SECTM1: variants seen among roughly 807,000 people sequenced by gnomAD.
SECTM1 encodes the protein secreted and transmembrane protein 1.
Under a neutral mutation model 18.1 loss-of-function variants are expected in SECTM1, and 10 were observed. That is an observed-to-expected ratio of 0.55 (90% CI 0.34 to 0.94). The LOEUF (loss-of-function observed/expected upper bound fraction) is 0.94, where lower values mean the gene tolerates loss of function less well. Ranked by LOEUF, SECTM1 falls within the 40% of genes least tolerant of loss-of-function variation. The probability of loss-of-function intolerance (pLI) is 0.02; values close to 1 mark genes in which losing one functional copy is unlikely to be tolerated. For missense variants in SECTM1, 297 were observed against 322.6 expected (o/e 0.92, Z 0.61); for synonymous variants, 137 against 139.2 (o/e 0.98, Z 0.11).
intron 3 of SECTM1, among the ~76,000 whole-genome samples, chr17:82,324,350 G>A (rs1195259484): frequency 1.3e-5 from 2 of 151,852 alleles, no homozygotes; most frequent in Non-Finnish European, 2.9e-5. Context: ...TGTGCCCCCT[G>A]AGCCTCCTGC....
rs1381607063 is a variant in SECTM1, at chr17:82,328,218, C to A, written c.-52-926G>T. On this transcript the variant is annotated intron_variant, in intron 1 of 4. Coordinates refer to ENST00000269389, the MANE Select transcript of SECTM1 (RefSeq NM_003004.3). The surrounding 1 kb of genome is among the most constrained non-coding windows in gnomAD (Gnocchi z 5.8). ...CCATCTTGTCTCAGGCCTGCAAACACTAGGGGCCCCCTAGCTGTGTGGCTC... is the reference window on the plus strand; with the variant it reads ...CCATCTTGTCTCAGGCCTGCAAACAATAGGGGCCCCCTAGCTGTGTGGCTC... 6.6e-6 allele frequency: 1 copy of A among 152,198 alleles called. No homozygotes were observed. The highest frequency in any genetic ancestry group is 1.5e-5 in the Non-Finnish European group (1 of 68,044). The allele number at this position is 152,198 out of a possible 1,614,324, so 9.4% of individuals were successfully genotyped here.
chr17:82,332,356 C>T lies in SECTM1; in HGVS notation c.-53+1344G>A, dbSNP rs576875390. 3.1e-3 allele frequency among the ~76,000 whole-genome samples: 472 copies of T among 152,316 alleles called. 2 individuals carry two copies. The highest frequency in any genetic ancestry group is 0.011 in the African/African-American group (456 of 41,562). On this transcript the variant is annotated intron_variant, in intron 1 of 4. Transcript: ENST00000269389. ...GTTCACGCACCGCCCAGCACGCCTG[C>T]GCATGCCTGTTCCCGCTCCCTGGTG...
rs1001589682 is a variant in SECTM1, at chr17:82,326,263, G to C, written c.94+884C>G. Among the ~76,000 whole-genome samples the C allele has an allele frequency of 6.6e-6, 1 of 152,200 alleles. No individual in the cohort carries two copies. Among genetic ancestry groups the C allele is most frequent in the Non-Finnish European group, 1.5e-5 (1 of 68,026 alleles). ...TCGTTCTTAGGATTCTGACTGAACT[G>C]CTTTGGGATGTGGTTTGGGATGTGG... On this transcript the variant is annotated intron_variant, in intron 2 of 4. Transcript: ENST00000269389. The surrounding 1 kb of genome is among the most constrained non-coding windows in gnomAD (Gnocchi z 4.3).
rs1421114095 is a variant in SECTM1 at position 82,329,722 on chromosome 17, G to A, written c.-52-2430C>T. Among the ~76,000 whole-genome samples, 1 of 151,984 alleles carries A rather than the reference G, an allele frequency of 6.6e-6. No homozygotes were observed. Among genetic ancestry groups the A allele is most frequent in the African/African-American group, 2.4e-5 (1 of 41,370 alleles). On this transcript the variant is annotated intron_variant, in intron 1 of 4. Coordinates refer to ENST00000269389, the MANE Select transcript of SECTM1 (RefSeq NM_003004.3). The surrounding 1 kb of genome is among the most constrained non-coding windows in gnomAD (Gnocchi z 7.6). The stretch of plus-strand genomic sequence containing the variant: ...AGGGTGGTCCCTTCTGGAGGCTCCA[G>A]GCGGAATCTGTCCCTCTCCGTCTCC...
chr17:82,330,299 C>A lies in SECTM1; in HGVS notation c.-52-3007G>T, dbSNP rs2052181603. On this transcript the variant is annotated intron_variant, in intron 1 of 4. Transcript: ENST00000269389. This position sits in a 1 kb window ranked among gnomAD's most constrained non-coding sequence, Gnocchi z 6.1. The stretch of plus-strand genomic sequence containing the variant: ...GCTGCTCTGGGGAGTCCTGCCCTCA[C>A]CTGGAGCCTGGAGGCCATCTGAGTC... Among the ~76,000 whole-genome samples, 1 of 152,180 alleles carries A rather than the reference C, an allele frequency of 6.6e-6. No individual in the cohort carries two copies. The highest frequency in any genetic ancestry group is 1.5e-5 in the Non-Finnish European group (1 of 68,006).
At chr17:82,327,503 G>A (rs1195444384) in intron 1 of SECTM1, among the ~76,000 whole-genome samples, 1 of 152,226 alleles carries the variant, frequency 6.6e-6, no homozygotes, top group Non-Finnish European at 1.5e-5. Context: ...AGACACGCGG[G>A]GGCGGGAGAC....
intron 1 of SECTM1, among the ~76,000 whole-genome samples, chr17:82,327,922 GCGGCCCCCCCAGCCCGTCCAC>G (rs2052160230): frequency 2.1e-5 from 3 of 146,056 alleles, no homozygotes; most frequent in African/African-American, 5.1e-5. Context: ...CCTGCAGCCA[GCGGCCCCCCCAGCCCGTCCAC>G]CAGCCCCCCC....
chr17:82,322,020 C>T lies in SECTM1; in HGVS notation c.*141G>A. On this transcript the variant is annotated 3_prime_UTR_variant, in exon 5 of 5. Coordinates refer to ENST00000269389, the MANE Select transcript of SECTM1 (RefSeq NM_003004.3). ...TGGAGGGGAAGGGTCTGCACGCACC[C>T]AGGAGTGGGTGACACAGAGGCCCAG... 1.4e-6 allele frequency: 1 copy of T among 726,138 alleles called. No homozygotes were observed. The highest frequency in any genetic ancestry group is 2.3e-6 in the Non-Finnish European group (1 of 432,864). The allele number at this position is 726,138 out of a possible 1,614,324, so 45.0% of individuals were successfully genotyped here. A position where few individuals can be genotyped will look rare whatever the true frequency, so the allele number is the denominator to read the frequency against.
rs1567842761 is a variant in SECTM1, at chr17:82,322,869, GC to G, written c.537+8del. 5 of 1,613,334 alleles carry G rather than the reference GC, an allele frequency of 3.1e-6. No homozygotes were observed. The highest frequency in any genetic ancestry group is 4.2e-6 in the Non-Finnish European group (5 of 1,179,836). Reference sequence around the variant, plus strand: ...CACCCCGCACAAACTGGGGTGCAGGGCCTCCTACCTCCCGGCGTTGCTGGGA... The same window carrying G: ...CACCCCGCACAAACTGGGGTGCAGGGCTCCTACCTCCCGGCGTTGCTGGGA... On this transcript the variant is annotated splice_region_variant and intron_variant, in intron 4 of 4. Transcript: ENST00000269389.
intron 4 of SECTM1, 122 bp downstream of exon 4, chr17:82,322,756 G>C: frequency 8.0e-7 from 1 of 1,243,072 alleles, no homozygotes; most frequent in South Asian, 1.5e-5. Flanking sequence ...CTCTGGGACC[G>C]GTGCTCCCCC....
chr17:82,324,471 TTCTTCC>T, intron 3 of SECTM1, 105 bp downstream of exon 3: 1 of 1,167,448 alleles, frequency 8.6e-7, no homozygotes, highest in African/African-American at 2.3e-5. Context: ...ATGCCTGCTC[TTCTTCC>T]TCCTCCTTCC....
At chr17:82,332,919 C>T (rs1021517497) in intron 1 of SECTM1, among the ~76,000 whole-genome samples, 1 of 152,138 alleles carries the variant, frequency 6.6e-6, no homozygotes, top group Non-Finnish European at 1.5e-5. Context: ...TCCTAGAAGC[C>T]GGGGATCCTC....
intron 3 of SECTM1, 47 bp downstream of exon 3, chr17:82,324,535 G>GT: frequency 6.8e-6 from 5 of 730,046 alleles, no homozygotes; most frequent in South Asian, 4.0e-5. Context: ...CCCTCCCCGT[G>GT]TCCCCTCTCA....
Position 82,322,145 on chromosome 17 carries a change from T to C in SECTM1, c.*16A>G. 1 of 1,613,314 alleles carries C rather than the reference T, an allele frequency of 6.2e-7. No individual in the cohort carries two copies. Among genetic ancestry groups the C allele is most frequent in the Non-Finnish European group, 8.5e-7 (1 of 1,179,522 alleles). On this transcript the variant is annotated 3_prime_UTR_variant, in exon 5 of 5. Transcript: ENST00000269389. The stretch of plus-strand genomic sequence containing the variant: ...TCAGGGCTGGCTCTCCTGTGTCCTC[T>C]CTGCCTTGCAGGCGGCTATGGGTCT...
At position 82,324,796 on chromosome 17, in the gene SECTM1, A is replaced by G. The variant is rs142396714; in HGVS notation, c.189T>C (p.His63=). 949 of 1,614,070 alleles carry G rather than the reference A, an allele frequency of 5.9e-4. 5 individuals are homozygous for G. In the African/African-American group the frequency reaches 0.011, roughly 19 times the overall value. Residue 63 remains histidine (H), a synonymous_variant, in exon 3 of 5, where the codon CAT becomes CAC. Transcript: ENST00000269389. ...CGTGGGCACGCAGCTTGATGTTGAC[A>G]TGGGAGAAGGCGTTGGAGATGTTGC... ...MSCNISNAFS[H]VNIKLRAHGQ...
chr17:82,324,859 T>C lies in SECTM1; in HGVS notation c.126A>G (p.Val42=), dbSNP rs1200996428. The C allele has an allele frequency of 6.2e-7, 1 of 1,613,638 alleles. No homozygotes were observed. Among genetic ancestry groups the C allele is most frequent in the Non-Finnish European group, 8.5e-7 (1 of 1,179,874 alleles). ...GWDSPICTEG[V]VSVSWGENTV... ...TGTTCTCGCCCCAAGACACAGAGAC[T>C]ACCCCCTCTGTGCAGATGGGGCTGT... Residue 42 remains valine, a synonymous_variant, in exon 3 of 5, where the codon GTA becomes GTG. Coordinates refer to ENST00000269389, the MANE Select transcript of SECTM1 (RefSeq NM_003004.3).
chr17:82,326,186 C>A lies in SECTM1; in HGVS notation c.94+961G>T, dbSNP rs2052144211. Among the ~76,000 whole-genome samples, 2 of 152,248 alleles carry A rather than the reference C, an allele frequency of 1.3e-5. No individual in the cohort carries two copies. Among genetic ancestry groups the A allele is most frequent in the Non-Finnish European group, 2.9e-5 (2 of 68,032 alleles). ...GGGTGGGGGCAGAATCTCCCGAAACCAGGGTTCTTCCACCTGGGATTCTTC... is the reference window on the plus strand; with the variant it reads ...GGGTGGGGGCAGAATCTCCCGAAACAAGGGTTCTTCCACCTGGGATTCTTC... On this transcript the variant is annotated intron_variant, in intron 2 of 4. Transcript: ENST00000269389. This position sits in a 1 kb window ranked among gnomAD's most constrained non-coding sequence, Gnocchi z 4.3.
intron 4 of SECTM1, among the ~76,000 whole-genome samples, chr17:82,322,622 A>G (rs559204718): frequency 6.7e-6 from 1 of 148,274 alleles, no homozygotes; most frequent in Admixed American, 6.7e-5. Context: ...GCACCCTGCC[A>G]TGCTGCCCTC....
Position 82,322,115 on chromosome 17 carries a change from G to T in SECTM1, c.*46C>A. The T allele has an allele frequency of 6.3e-7, 1 of 1,595,406 alleles. No homozygotes were observed. On this transcript the variant is annotated 3_prime_UTR_variant, in exon 5 of 5. Transcript: ENST00000269389. The stretch of plus-strand genomic sequence containing the variant: ...GACCCAGGCCCCGCCACCCAAGGTC[G>T]GCACTCAGGGCTGGCTCTCCTGTGT...
Sources: allele counts gnomAD v4.1 joint callset (sites outside exome capture counted in the v4.1 genomes callset), GRCh38; gene constraint gnomAD v4.1.1; non-coding constraint Gnocchi (gnomAD v3.1); transcripts MANE v1.5; gene names NCBI Gene and HGNC (gene_info 2026-07-23, HGNC 2026-07-21).